Variants in SLC8A1 observed in about 807,000 individuals in gnomAD.
SLC8A1 encodes the protein sodium/calcium exchanger 1.
SLC8A1 carries 18 observed loss-of-function variants against 68.3 expected under a neutral mutation model. The ratio of observed to expected loss-of-function variants is 0.26; its 90% CI spans 0.18 to 0.39. The LOEUF is 0.39. Ranked by LOEUF, SLC8A1 falls within the 10% of genes least tolerant of loss-of-function variation. SLC8A1 has a pLI of 1.00. For missense variants in SLC8A1, 985 were observed against 1,156.7 expected (o/e 0.85, Z 2.15); for synonymous variants, 475 against 415.5 (o/e 1.14, Z -1.74).
At chr2:40,277,135 T>C (rs1293292461) in intron 2 of SLC8A1, among the ~76,000 whole-genome samples, 1 of 152,154 alleles carries the variant, frequency 6.6e-6, no homozygotes, top group Non-Finnish European at 1.5e-5. Context: ...AATATATGGT[T>C]TATACTTATA....
At chr2:40,205,336 T>C (rs1330132157) in intron 2 of SLC8A1, among the ~76,000 whole-genome samples, 1 of 152,016 alleles carries the variant, frequency 6.6e-6, no homozygotes, top group Admixed American at 6.6e-5. Flanking sequence ...TTGACCCATT[T>C]TGAAGTAAAT....
chr2:40,240,778 T>G (rs2061114229), intron 2 of SLC8A1, among the ~76,000 whole-genome samples: 1 of 152,206 alleles, frequency 6.6e-6, no homozygotes, highest in South Asian at 2.1e-4. Context: ...CTTAGGAGAC[T>G]GAGGCAGGAG....
intron 2 of SLC8A1, among the ~76,000 whole-genome samples, chr2:40,267,990 A>G (rs959663368): frequency 6.6e-6 from 1 of 152,216 alleles, no homozygotes; most frequent in African/African-American, 2.4e-5. Context: ...TGGGATGAGA[A>G]GAAGAAGGAA....
chr2:40,139,494 T>G (rs1293023692), exon 7 of SLC8A1: 1 of 1,614,158 alleles, frequency 6.2e-7, no homozygotes, highest in Non-Finnish European at 8.5e-7. Flanking sequence ...AGGTCTCCAA[T>G]GAAAGCTGTC....
chr2:40,126,203 T>C (rs898853804), intron 7 of SLC8A1, among the ~76,000 whole-genome samples: 2 of 152,178 alleles, frequency 1.3e-5, no homozygotes, highest in African/African-American at 4.8e-5. Flanking sequence ...ATAACACATC[T>C]ACGCTGACTA....
chr2:40,318,143 C>T (rs184880208), intron 2 of SLC8A1, among the ~76,000 whole-genome samples: 87 of 152,176 alleles, frequency 5.7e-4, no homozygotes, highest in African/African-American at 2.0e-3. Context: ...AGTCAACTTG[C>T]TGGAACTGGG....
intron 2 of SLC8A1, among the ~76,000 whole-genome samples, chr2:40,363,914 A>C (rs549857643): frequency 5.3e-5 from 8 of 152,118 alleles, no homozygotes; most frequent in African/African-American, 1.9e-4. Flanking sequence ...TTATTTATTT[A>C]TTTAGTGGCA....
chr2:40,310,915 TAAAAG>T (rs1235791150), intron 2 of SLC8A1, among the ~76,000 whole-genome samples: 3 of 152,218 alleles, frequency 2.0e-5, no homozygotes, highest in African/African-American at 7.2e-5. Context: ...TATATTAGCT[TAAAAG>T]AAAAGTTTGA....
intron 2 of SLC8A1, among the ~76,000 whole-genome samples, chr2:40,350,041 A>C (rs1181481443): frequency 6.6e-6 from 1 of 152,170 alleles, no homozygotes; most frequent in African/African-American, 2.4e-5. Flanking sequence ...GCATTTTCCT[A>C]AACTCACAGC....
At chr2:40,251,878 A>G (rs1413158575) in intron 2 of SLC8A1, 2 of 152,216 alleles carry the variant, frequency 1.3e-5, no homozygotes, top group Non-Finnish European at 2.9e-5. Flanking sequence ...TCATTCATTC[A>G]ATATACATCG....
chr2:40,368,842 T>TTC (rs1559412402), intron 2 of SLC8A1, among the ~76,000 whole-genome samples: 1 of 151,900 alleles, frequency 6.6e-6, no homozygotes, highest in East Asian at 1.9e-4. Context: ...AAAATAGACA[T>TTC]AAAGACCAAT....
chr2:40,288,834 C>CAT (rs145077257), intron 2 of SLC8A1, among the ~76,000 whole-genome samples: 6,472 of 132,526 alleles, frequency 0.049, 222 homozygotes, highest in African/African-American at 0.064. Context: ...ACTAAGTAAT[C>CAT]ATATATATAT....
intron 6 of SLC8A1, among the ~76,000 whole-genome samples, chr2:40,160,222 T>A (rs1384258337): frequency 6.6e-6 from 1 of 152,214 alleles, no homozygotes; most frequent in Non-Finnish European, 1.5e-5. Flanking sequence ...CTTCATTTTG[T>A]AGGAACTTCC....
intron 2 of SLC8A1, among the ~76,000 whole-genome samples, chr2:40,264,769 C>G (rs1440201495): frequency 6.6e-6 from 1 of 152,082 alleles, no homozygotes; most frequent in East Asian, 1.9e-4. Context: ...TTAATGGGTG[C>G]AGCACACCAA....
At chr2:40,280,091 C>A (rs1056777762) in intron 2 of SLC8A1, among the ~76,000 whole-genome samples, 2 of 151,874 alleles carry the variant, frequency 1.3e-5, no homozygotes, top group Non-Finnish European at 2.9e-5. Context: ...GAACTTTAAA[C>A]CCTAGCCTTT....
intron 2 of SLC8A1, among the ~76,000 whole-genome samples, chr2:40,394,307 T>C (rs1056119182): frequency 5.9e-5 from 9 of 152,124 alleles, no homozygotes; most frequent in African/African-American, 2.2e-4. Flanking sequence ...GAGAGTAATT[T>C]GTTCTAACTT....
chr2:40,398,800 A>G (rs1687803461), intron 2 of SLC8A1, among the ~76,000 whole-genome samples: 1 of 152,190 alleles, frequency 6.6e-6, no homozygotes. Flanking sequence ...TGCTAGGATG[A>G]CAGTTACAGC....
At chr2:40,322,679 A>AAAT (rs2075345830) in intron 2 of SLC8A1, among the ~76,000 whole-genome samples, 1 of 151,928 alleles carries the variant, frequency 6.6e-6, no homozygotes, top group Admixed American at 6.6e-5. Flanking sequence ...CTATCTCTAA[A>AAAT]AATAATGATA....
chr2:40,233,834 C>T (rs2060004327), intron 2 of SLC8A1, among the ~76,000 whole-genome samples: 1 of 151,746 alleles, frequency 6.6e-6, no homozygotes, highest in African/African-American at 2.4e-5. Flanking sequence ...GTTTTCCCAG[C>T]ACCATTTATT....
Sources: allele counts gnomAD v4.1 joint callset (sites outside exome capture counted in the v4.1 genomes callset), GRCh38; gene constraint gnomAD v4.1.1; transcripts MANE v1.5; gene names NCBI Gene and HGNC (gene_info 2026-07-23, HGNC 2026-07-21).